CFAP47: variants seen among roughly 807,000 people sequenced by gnomAD.
The protein encoded by CFAP47 is cilia and flagella associated protein 47.
In CFAP47, 29 loss-of-function variants were observed where a neutral mutation model predicts 148.1. The observed-to-expected ratio is 0.20, with a 90% CI of 0.15 to 0.27. The LOEUF (loss-of-function observed/expected upper bound fraction) is 0.27, where lower values mean the gene tolerates loss of function less well. CFAP47 is among the 10% of genes least tolerant of loss of function. The pLI is 1.00. For missense variants in CFAP47, 1,872 were observed against 1,697.5 expected, an observed-to-expected ratio of 1.10 and a Z score of -1.81; for synonymous variants, 664 against 577.3, an observed-to-expected ratio of 1.15 and a Z score of -2.15.
intron 51 of CFAP47, among the ~76,000 whole-genome samples, chrX:36,292,050 C>T (rs1415944088): frequency 9.0e-6 from 1 of 111,092 alleles, no homozygotes; most frequent in African/African-American, 3.3e-5. Flanking sequence ...AAACTTTAGG[C>T]TCTTCCAGTG....
chrX:36,255,923 T>C (rs1403121522), intron 49 of CFAP47, among the ~76,000 whole-genome samples: 3 of 111,760 alleles, frequency 2.7e-5, no homozygotes, highest in Admixed American at 9.5e-5. Flanking sequence ...TAAACCTAGA[T>C]ATAAAAACAT....
intron 51 of CFAP47, among the ~76,000 whole-genome samples, chrX:36,289,859 G>A (rs782787131): frequency 1.8e-5 from 2 of 111,667 alleles, no homozygotes; most frequent in Non-Finnish European, 3.8e-5. Context: ...ACTCAAGGCC[G>A]TGCCTAGAGT....
At chrX:36,141,853 C>T (rs1458388784) in intron 35 of CFAP47, among the ~76,000 whole-genome samples, 1 of 111,204 alleles carries the variant, frequency 9.0e-6, no homozygotes, top group Non-Finnish European at 1.9e-5. Context: ...AGAAGTCTCA[C>T]ATAACACCTT....
Position 35,920,039 on chromosome X carries a change from C to T in CFAP47, c.240C>T (p.Val80=), listed in dbSNP as rs376901784. Residue 80 remains valine, a synonymous_variant, in exon 1 of 64, where the codon GTC becomes GTT. Transcript: ENST00000378653. ...AGAAAATCCGATTTAAGGAGCCCGT[C>T]AAGCCACAGGTGACACACTAAGGGG... The part of the protein sequence containing the change: ...WNQKIRFKEP[V]KPQFKLMLTS... 78 of 1,187,117 alleles carry T rather than the reference C, an allele frequency of 6.6e-5. No individual in the cohort carries two copies. Among genetic ancestry groups the T allele is most frequent in the Non-Finnish European group, 8.2e-5 (72 of 881,715 alleles).
At chrX:36,331,848 G>A (rs1941567759) in intron 57 of CFAP47, among the ~76,000 whole-genome samples, 1 of 111,443 alleles carries the variant, frequency 9.0e-6, no homozygotes, top group Non-Finnish European at 1.9e-5. Context: ...ACAGAACCCG[G>A]AGTAATATTC....
At chrX:35,933,238 C>G (rs1375879906) in intron 2 of CFAP47, among the ~76,000 whole-genome samples, 1 of 106,095 alleles carries the variant, frequency 9.4e-6, no homozygotes, top group African/African-American at 3.5e-5. Flanking sequence ...CCCTTCCTAG[C>G]CTCTGGTAAC....
At chrX:36,334,281 A>G (rs782211852) in intron 57 of CFAP47, among the ~76,000 whole-genome samples, 1 of 111,404 alleles carries the variant, frequency 9.0e-6, no homozygotes, top group Admixed American at 9.6e-5. Context: ...ACAGACGACT[A>G]CTTGCCACCA....
chrX:36,258,918 G>A (rs1940786072), intron 49 of CFAP47, among the ~76,000 whole-genome samples: 1 of 111,990 alleles, frequency 8.9e-6, no homozygotes, highest in South Asian at 3.7e-4. Flanking sequence ...TATGCAATTT[G>A]ACACACATCA....
chrX:35,978,979 C>A (rs1396216924), intron 15 of CFAP47, among the ~76,000 whole-genome samples: 1 of 111,072 alleles, frequency 9.0e-6, no homozygotes, highest in African/African-American at 3.3e-5. Context: ...TTGATATTTT[C>A]TTTTTTATTA....
At position 36,085,550 on chromosome X, in the gene CFAP47, G is replaced by C; in HGVS notation, c.4916+12G>C. The C allele has an allele frequency of 9.4e-7, 1 of 1,060,827 alleles. No homozygotes were observed. The highest frequency in any genetic ancestry group is 1.3e-6 in the Non-Finnish European group (1 of 761,996). The allele number at this position is 1,060,827 out of a possible 1,213,427, so 87.4% of individuals were successfully genotyped here. On this transcript the variant is annotated intron_variant, in intron 30 of 63. Transcript: ENST00000378653. ...CTGGACTTTCTCAAGTAAGTGCCTG[G>C]ATGTGCTCATATAAGCATATAACTC...
chrX:35,951,768 C>G (rs200214227), intron 5 of CFAP47, 35 bp from the exon 6 acceptor site: 233 of 1,054,220 alleles, frequency 2.2e-4, no homozygotes, highest in Non-Finnish European at 2.5e-4. Context: ...TGTGTTTTGC[C>G]TTAATACTCT....
chrX:36,004,138 A>G (rs1936953066), intron 21 of CFAP47, among the ~76,000 whole-genome samples: 1 of 108,247 alleles, frequency 9.2e-6, no homozygotes, highest in Non-Finnish European at 1.9e-5. Context: ...ACACCCGGCT[A>G]ATTTTTGTAT....
At chrX:36,161,819 A>AT (rs1261688226) in intron 39 of CFAP47, among the ~76,000 whole-genome samples, 2 of 112,310 alleles carry the variant, frequency 1.8e-5, no homozygotes, top group Non-Finnish European at 3.8e-5. Flanking sequence ...AATTTTGGTC[A>AT]TTTTGTTTTA....
At chrX:36,185,995 C>T (rs1444162445) in intron 40 of CFAP47, among the ~76,000 whole-genome samples, 1 of 111,256 alleles carries the variant, frequency 9.0e-6, no homozygotes, top group Non-Finnish European at 1.9e-5. Flanking sequence ...GGGCACCATG[C>T]AGTCCATGGC....
chrX:36,326,418 T>C (rs1033624160), intron 57 of CFAP47, among the ~76,000 whole-genome samples: 2 of 110,042 alleles, frequency 1.8e-5, no homozygotes, highest in Non-Finnish European at 3.8e-5. Flanking sequence ...AGGTAGAGAG[T>C]TGAACAGTTT....
intron 24 of CFAP47, among the ~76,000 whole-genome samples, chrX:36,037,282 G>A (rs187069327): frequency 6.2e-4 from 69 of 111,365 alleles, no homozygotes; most frequent in Non-Finnish European, 1.2e-3. Context: ...TTCAATATGC[G>A]CTGGGCCCTA....
At chrX:36,126,077 AATTATT>A (rs374859962) in intron 33 of CFAP47, among the ~76,000 whole-genome samples, 10,952 of 107,070 alleles carry the variant, frequency 0.1, 1,192 homozygotes, top group African/African-American at 0.31. Flanking sequence ...TTCCCTTCAA[AATTATT>A]ATTATTATTA....
chrX:36,384,631 ACTTT>A (rs782138002), intron 63 of CFAP47, among the ~76,000 whole-genome samples, 162 bp from the exon 64 acceptor site: 2 of 112,213 alleles, frequency 1.8e-5, no homozygotes, highest in East Asian at 5.6e-4. Context: ...AAAGTGAAAT[ACTTT>A]CTTTATTTTC....
intron 8 of CFAP47, among the ~76,000 whole-genome samples, chrX:35,957,042 C>T (rs1936256406): frequency 9.2e-6 from 1 of 109,168 alleles, no homozygotes; most frequent in Non-Finnish European, 1.9e-5. Context: ...AACCCCGTCT[C>T]TACTAAAAAT....
Sources: allele counts gnomAD v4.1 joint callset (sites outside exome capture counted in the v4.1 genomes callset), GRCh38; gene constraint gnomAD v4.1.1; transcripts MANE v1.5; gene names NCBI Gene and HGNC (gene_info 2026-07-23, HGNC 2026-07-21).